The following AFTPH variants were observed in gnomAD, a reference collection of about 807,000 sequenced individuals.
AFTPH encodes aftiphilin protein.
Under a neutral mutation model 72.5 loss-of-function variants are expected in AFTPH, and 7 were observed. The ratio of observed to expected loss-of-function variants is 0.10; its 90% CI spans 0.05 to 0.18. The LOEUF is 0.18. Among genes scored for constraint, AFTPH ranks in the 10% least tolerant of loss-of-function variants. The pLI, the probability that AFTPH is intolerant of heterozygous loss-of-function variation, is 1.00. For missense variants in AFTPH, 979 were observed against 1,060.5 expected, an observed-to-expected ratio of 0.92 and a Z score of 1.07; for synonymous variants, 337 against 370.1, an observed-to-expected ratio of 0.91 and a Z score of 1.03.
At chr2:64,548,472 A>G (rs1248728988) in intron 1 of AFTPH, among the ~76,000 whole-genome samples, 1 of 150,304 alleles carries the variant, frequency 6.7e-6, no homozygotes, top group Non-Finnish European at 1.5e-5. Context: ...ATGGCTGTAT[A>G]ATATGCTATT....
intron 8 of AFTPH, among the ~76,000 whole-genome samples, chr2:64,591,404 A>G (rs1451638655): frequency 1.3e-5 from 2 of 152,182 alleles, no homozygotes; most frequent in African/African-American, 2.4e-5. Context: ...GGAATTCCCC[A>G]CTGGGGATAA....
At chr2:64,560,627 C>T (rs747349172) in intron 2 of AFTPH, among the ~76,000 whole-genome samples, 7 of 152,150 alleles carry the variant, frequency 4.6e-5, no homozygotes, top group Non-Finnish European at 8.8e-5. Context: ...AATCCCAGCA[C>T]TTTGGGAGGC....
rs1673045314 is a variant in AFTPH at position 64,579,611 on chromosome 2, A to AACTTCTCTCTGCTGATTTCCTT, written c.2455+66_2455+87dup. On this transcript the variant is annotated intron_variant, in intron 7 of 8. Transcript: ENST00000238856. ...TTAAGAAAGCTACAAAGTTCAGACA[A>AACTTCTCTCTGCTGATTTCCTT]ACTTCTCTCTGCTGATTTCCTTTTT... 3 of 1,376,950 alleles carry AACTTCTCTCTGCTGATTTCCTT rather than the reference A, an allele frequency of 2.2e-6. No individual in the cohort carries two copies. In the South Asian group the frequency reaches 3.7e-5, roughly 17 times the overall value. The allele number at this position is 1,376,950 out of a possible 1,614,324, so 85.3% of individuals were successfully genotyped here.
intron 5 of AFTPH, among the ~76,000 whole-genome samples, chr2:64,570,633 C>T (rs1171826279): frequency 6.6e-6 from 1 of 152,044 alleles, no homozygotes; most frequent in African/African-American, 2.4e-5. Context: ...TAATGCTGGA[C>T]ATTTCTTTAA....
intron 2 of AFTPH, among the ~76,000 whole-genome samples, chr2:64,564,970 C>T (rs1671975827): frequency 6.6e-6 from 1 of 151,830 alleles, no homozygotes; most frequent in Non-Finnish European, 1.5e-5. Flanking sequence ...TCCTGAGTAG[C>T]TGGGACTACA....
At chr2:64,551,951 G>T in exon 2 of AFTPH, 2 of 1,613,546 alleles carry the variant, frequency 1.2e-6, no homozygotes, top group Non-Finnish European at 8.5e-7. Context: ...GAACTAATAT[G>T]AATGTTGTTC....
Position 64,591,084 on chromosome 2 carries a change from A to G in AFTPH, c.2580-801A>G, listed in dbSNP as rs150404178. On this transcript the variant is annotated intron_variant, in intron 8 of 8. Transcript: ENST00000238856. ...CCCAGAAAAAGTTTGAATTGCAATCATGTGCCCAATTTGAGGCTCATTTGG... is the reference window on the plus strand; with the variant it reads ...CCCAGAAAAAGTTTGAATTGCAATCGTGTGCCCAATTTGAGGCTCATTTGG... Among the ~76,000 whole-genome samples the G allele has an allele frequency of 1.4e-4, 22 of 152,346 alleles. 1 individual carries two copies. The East Asian group carries it at 4.2e-3, about 29-fold the overall frequency.
chr2:64,574,621 C>T lies in AFTPH; in HGVS notation c.2394+1553C>T, dbSNP rs116874939. Among the ~76,000 whole-genome samples, 18 of 152,312 alleles carry T rather than the reference C, an allele frequency of 1.2e-4. No homozygotes were observed. In the East Asian group the frequency reaches 3.3e-3, roughly 28 times the overall value. On this transcript the variant is annotated intron_variant, in intron 6 of 8. Coordinates refer to ENST00000238856, the Ensembl canonical transcript of AFTPH. ...AAACATCTAATATTACTGCTGTGTA[C>T]CACTGTGTTTTATACTTGGGCATAG...
intron 1 of AFTPH, among the ~76,000 whole-genome samples, chr2:64,529,198 C>T (rs1669455963): frequency 6.6e-6 from 1 of 152,306 alleles, no homozygotes; most frequent in South Asian, 2.1e-4. Flanking sequence ...TGTGTTCTAA[C>T]CATATTTTAT....
intron 6 of AFTPH, among the ~76,000 whole-genome samples, chr2:64,575,724 TG>T (rs1421683072): frequency 1.6e-5 from 1 of 63,058 alleles, no homozygotes; most frequent in Admixed American, 1.3e-4. Context: ...TGTGTGTGTG[TG>T]TGTGTGTGTG....
intron 1 of AFTPH, among the ~76,000 whole-genome samples, chr2:64,529,593 G>A (rs1447931129): frequency 6.6e-6 from 1 of 150,818 alleles, no homozygotes; most frequent in Non-Finnish European, 1.5e-5. Flanking sequence ...AGGCATACAG[G>A]AGCATCATAG....
chr2:64,553,010 A>T (rs7576956), exon 2 of AFTPH: 2 of 1,614,152 alleles, frequency 1.2e-6, no homozygotes, highest in Non-Finnish European at 1.7e-6. Context: ...AAGAATGTCA[A>T]TTGGCAAGAA....
chr2:64,590,406 A>T (rs897495251), intron 8 of AFTPH, among the ~76,000 whole-genome samples: 3 of 152,192 alleles, frequency 2.0e-5, no homozygotes, highest in Admixed American at 2.0e-4. Context: ...CCTAGGTGTT[A>T]TATCACATCA....
intron 1 of AFTPH, among the ~76,000 whole-genome samples, chr2:64,547,306 A>G (rs1670707576): frequency 1.3e-5 from 2 of 152,194 alleles, no homozygotes; most frequent in South Asian, 4.1e-4. Context: ...ATTACAGGCC[A>G]GTAATTTTGT....
chr2:64,551,649 T>G (rs1382477265), exon 2 of AFTPH: 2 of 1,613,902 alleles, frequency 1.2e-6, no homozygotes, highest in South Asian at 1.1e-5. Flanking sequence ...CAAGGAAGAG[T>G]TTGTACCTTC....
In AFTPH at chr2:64,524,447, G is replaced by A; in HGVS notation, c.-198G>A. 2 of 402,510 alleles carry A rather than the reference G, an allele frequency of 5.0e-6. No individual in the cohort carries two copies. Among genetic ancestry groups the A allele is most frequent in the Non-Finnish European group, 4.4e-6 (1 of 228,056 alleles). The allele number at this position is 402,510 out of a possible 1,614,324, so 24.9% of individuals were successfully genotyped here. On this transcript the variant is annotated 5_prime_UTR_variant, in exon 1 of 9. The change abolishes the stop of an existing upstream ORF in the 5' untranslated region. Transcript: ENST00000238856. ...GGGATGGGGGTCCCGCGGCAGCGGT[G>A]AAACTCCGGGTGGGCGTCCATGGTG... is the stretch of plus-strand genomic sequence containing the variant.
At chr2:64,573,719 A>G (rs1427298383) in intron 6 of AFTPH, among the ~76,000 whole-genome samples, 1 of 151,900 alleles carries the variant, frequency 6.6e-6, no homozygotes, top group Non-Finnish European at 1.5e-5. Flanking sequence ...GTGCAGTGGT[A>G]TGATCTCGGC....
intron 1 of AFTPH, among the ~76,000 whole-genome samples, chr2:64,550,039 T>C (rs760468653): frequency 6.6e-6 from 1 of 152,158 alleles, no homozygotes; most frequent in Non-Finnish European, 1.5e-5. Flanking sequence ...TTGAGCATGC[T>C]ACATGACGCA....
At chr2:64,584,240 A>G (rs1673370663) in intron 7 of AFTPH, among the ~76,000 whole-genome samples, 1 of 152,060 alleles carries the variant, frequency 6.6e-6, no homozygotes, top group Non-Finnish European at 1.5e-5. Context: ...AAAATATTTA[A>G]ACTGTTCTTT....
Sources: gnomAD v4.1 joint callset for allele counts (sites outside exome capture counted in the v4.1 genomes callset) on GRCh38, gnomAD v4.1.1 for gene constraint, MANE v1.5 for transcripts, NCBI Gene and HGNC (gene_info 2026-07-23, HGNC 2026-07-21) for gene names.